The following ZFAND3 variants were observed in gnomAD, a reference collection of about 807,000 sequenced individuals.
The protein encoded by ZFAND3 is AN1-type zinc finger protein 3.
ZFAND3 carries 10 observed loss-of-function variants against 29.6 expected under a neutral mutation model. That is an observed-to-expected ratio of 0.34 (90% CI 0.21 to 0.57). The LOEUF is 0.57. ZFAND3 is among the 20% of genes least tolerant of loss of function. The pLI is 0.86. For missense variants in ZFAND3, 230 were observed against 304.5 expected, an observed-to-expected ratio of 0.76 and a Z score of 1.82; for synonymous variants, 128 against 112.6, an observed-to-expected ratio of 1.14 and a Z score of -0.87.
intron 1 of ZFAND3, among the ~76,000 whole-genome samples, chr6:37,851,293 C>CTGT (rs1764275804): frequency 6.6e-6 from 1 of 152,040 alleles, no homozygotes; most frequent in South Asian, 2.1e-4. Context: ...AGCCATTGAT[C>CTGT]TGTTGCCTCT....
intron 1 of ZFAND3, among the ~76,000 whole-genome samples, chr6:37,864,932 C>A (rs1461913648): frequency 6.6e-6 from 1 of 152,146 alleles, no homozygotes; most frequent in African/African-American, 2.4e-5. Context: ...GTAATCCCAG[C>A]ACTTTGGGAG....
intron 2 of ZFAND3, among the ~76,000 whole-genome samples, chr6:37,970,921 A>C (rs553180941): frequency 3.5e-4 from 52 of 148,002 alleles, no homozygotes; most frequent in Middle Eastern, 3.5e-3. Flanking sequence ...AACAAACCAA[A>C]CAAACAAACA....
chr6:38,041,635 T>TTCTTCTTCTTCTTCTTCTTCC (rs1561976621), intron 2 of ZFAND3, among the ~76,000 whole-genome samples: 24 of 7,828 alleles, frequency 3.1e-3, no homozygotes, highest in East Asian at 0.033. Flanking sequence ...CTACTTTTTC[T>TTCTTCTTCTTCTTCTTCTTCC]TCTTCTTCTT....
intron 2 of ZFAND3, among the ~76,000 whole-genome samples, chr6:37,930,916 G>C (rs375902455): frequency 6.6e-6 from 1 of 152,168 alleles, no homozygotes; most frequent in African/African-American, 2.4e-5. Context: ...AGAGAGTCCA[G>C]TATGAAATGA....
chr6:37,914,662 C>CTTTTTTTTTTTTTT (rs1327923079), intron 1 of ZFAND3, among the ~76,000 whole-genome samples: 2 of 62,462 alleles, frequency 3.2e-5, no homozygotes, highest in South Asian at 4.5e-4. Context: ...TTCTTTCTTT[C>CTTTTTTTTTTTTTT]TTTTTTTTTC....
intron 2 of ZFAND3, among the ~76,000 whole-genome samples, chr6:37,991,275 C>G (rs1762754308): frequency 6.6e-6 from 1 of 151,644 alleles, no homozygotes; most frequent in Non-Finnish European, 1.5e-5. Flanking sequence ...GGAGGATCCC[C>G]TTAGGATTTG....
chr6:37,942,782 CT>C (rs35749944), intron 2 of ZFAND3, among the ~76,000 whole-genome samples: 25,333 of 152,088 alleles, frequency 0.17, 2,312 homozygotes, highest in East Asian at 0.33. Flanking sequence ...TAGAGAGACA[CT>C]TCATCAGTTA....
At chr6:37,848,454 A>G (rs956131084) in intron 1 of ZFAND3, among the ~76,000 whole-genome samples, 2 of 152,222 alleles carry the variant, frequency 1.3e-5, no homozygotes, top group Non-Finnish European at 2.9e-5. Flanking sequence ...GAATAAATGG[A>G]GAATCATTAG....
At chr6:37,920,052 CTTTT>C (rs11389241) in intron 1 of ZFAND3, among the ~76,000 whole-genome samples, 4,927 of 93,472 alleles carry the variant, frequency 0.053, 258 homozygotes, top group African/African-American at 0.16. Context: ...TTTTTTGAAG[CTTTT>C]TTTTTTTTTT....
intron 2 of ZFAND3, among the ~76,000 whole-genome samples, chr6:38,001,878 G>A (rs1762954376): frequency 6.6e-6 from 1 of 152,146 alleles, no homozygotes; most frequent in African/African-American, 2.4e-5. Flanking sequence ...AGTTATGGCT[G>A]TTGGTCTGTT....
chr6:38,002,009 G>A (rs1453153748), intron 2 of ZFAND3, among the ~76,000 whole-genome samples: 1 of 152,222 alleles, frequency 6.6e-6, no homozygotes, highest in South Asian at 2.1e-4. Context: ...ATTTTTACCA[G>A]TGAAAATACA....
chr6:38,037,278 A>G (rs749638896), intron 2 of ZFAND3, among the ~76,000 whole-genome samples: 4 of 152,224 alleles, frequency 2.6e-5, no homozygotes, highest in African/African-American at 4.8e-5. Context: ...TTGAGTGACA[A>G]CCAATTCGTG....
intron 1 of ZFAND3, among the ~76,000 whole-genome samples, chr6:37,863,890 A>G (rs1426983580): frequency 1.3e-5 from 2 of 152,200 alleles, no homozygotes; most frequent in African/African-American, 4.8e-5. Flanking sequence ...TCTAGTGGCA[A>G]TTAAATAGAG....
intron 2 of ZFAND3, among the ~76,000 whole-genome samples, chr6:38,058,248 TG>T (rs1318591345): frequency 2.6e-5 from 4 of 152,306 alleles, no homozygotes; most frequent in Non-Finnish European, 4.4e-5. Flanking sequence ...TTATGCTAGA[TG>T]GTACAGTGAT....
chr6:37,933,010 T>C (rs1386452172), intron 2 of ZFAND3, among the ~76,000 whole-genome samples: 3 of 152,242 alleles, frequency 2.0e-5, no homozygotes, highest in East Asian at 3.8e-4. Context: ...CATTGAACTT[T>C]AAAAATACAT....
intron 1 of ZFAND3, among the ~76,000 whole-genome samples, chr6:37,822,329 C>A (rs1299778305): frequency 6.6e-6 from 1 of 152,136 alleles, no homozygotes; most frequent in African/African-American, 2.4e-5. Context: ...GTATTTTTAT[C>A]GTGAAAAGTG....
At chr6:38,066,539 A>C (rs1764349331) in intron 3 of ZFAND3, among the ~76,000 whole-genome samples, 1 of 152,222 alleles carries the variant, frequency 6.6e-6, no homozygotes, top group Non-Finnish European at 1.5e-5. Context: ...GAAATTTGTA[A>C]ACTATTTAGT....
At chr6:37,864,189 C>G (rs1292399077) in intron 1 of ZFAND3, among the ~76,000 whole-genome samples, 1 of 152,036 alleles carries the variant, frequency 6.6e-6, no homozygotes, top group African/African-American at 2.4e-5. Context: ...TCTGTATTAC[C>G]GAGGACCAGG....
At chr6:37,970,451 G>A (rs1012801555) in intron 2 of ZFAND3, among the ~76,000 whole-genome samples, 6 of 152,098 alleles carry the variant, frequency 3.9e-5, no homozygotes, top group Non-Finnish European at 8.8e-5. Context: ...CCCATTCTAG[G>A]GACTAAGTAT....
Sources: allele counts gnomAD v4.1 joint callset (sites outside exome capture counted in the v4.1 genomes callset), GRCh38; gene constraint gnomAD v4.1.1; transcripts MANE v1.5; gene names NCBI Gene and HGNC (gene_info 2026-07-23, HGNC 2026-07-21).